SLC38A9: variants seen among roughly 807,000 people sequenced by gnomAD.
SLC38A9 encodes the protein solute carrier family 38 member 9.
SLC38A9 carries 48 observed loss-of-function variants against 62.3 expected under a neutral mutation model. The ratio of observed to expected loss-of-function variants is 0.77; its 90% confidence interval spans 0.61 to 0.98. The LOEUF is 0.98. Among genes scored for constraint, SLC38A9 ranks in the 50% least tolerant of loss-of-function variants. The probability of loss-of-function intolerance (pLI) is 0.00; values close to 1 mark genes in which losing one functional copy is unlikely to be tolerated. For synonymous variants in SLC38A9, 204 were observed against 227.7 expected, an observed-to-expected ratio of 0.90 and a Z score of 0.94; for missense variants, 541 against 679.8, an observed-to-expected ratio of 0.80 and a Z score of 2.27.
At chr5:55,627,188 A>G (rs1742591832) in intron 15 of SLC38A9, among the ~76,000 whole-genome samples, 1 of 152,170 alleles carries the variant, frequency 6.6e-6, no homozygotes, top group East Asian at 1.9e-4. Context: ...GGAACAGTTC[A>G]ATAGGAACTG....
Position 55,627,067 on chromosome 5 carries a change from C to G in SLC38A9, c.1521-408G>C, listed in dbSNP as rs185064467. Among the ~76,000 whole-genome samples the G allele has an allele frequency of 1.2e-3, 186 of 152,218 alleles. 3 individuals carry two copies. The highest frequency in any genetic ancestry group is 2.9e-4 in the Non-Finnish European group (20 of 67,990). On this transcript the variant is annotated intron_variant, in intron 15 of 15. Transcript: ENST00000396865. Reference sequence around the variant, plus strand: ...AAGTATAAGAACAGATAAATGCTACCATGGCATTCAGCATGATTACGAAAG... The same window carrying G: ...AAGTATAAGAACAGATAAATGCTACGATGGCATTCAGCATGATTACGAAAG...
chr5:55,653,905 C>T (rs1747960812), intron 9 of SLC38A9, among the ~76,000 whole-genome samples: 2 of 152,264 alleles, frequency 1.3e-5, no homozygotes, highest in South Asian at 4.1e-4. Flanking sequence ...GATCTGCCCG[C>T]CTTGGCCTCC....
chr5:55,678,092 A>G (rs1343316912), intron 3 of SLC38A9, among the ~76,000 whole-genome samples: 2 of 151,436 alleles, frequency 1.3e-5, no homozygotes, highest in African/African-American at 4.9e-5. Context: ...CTAGAGAGAA[A>G]AACTCAGACT....
At chr5:55,665,558 AAG>A (rs1440850422) in intron 7 of SLC38A9, among the ~76,000 whole-genome samples, 3 of 151,886 alleles carry the variant, frequency 2.0e-5, no homozygotes, top group Admixed American at 6.6e-5. Context: ...AAAAAAAAAA[AAG>A]AAAAAAAACA....
intron 12 of SLC38A9, among the ~76,000 whole-genome samples, chr5:55,640,989 AC>A (rs1745369700): frequency 6.6e-6 from 1 of 152,076 alleles, no homozygotes; most frequent in South Asian, 2.1e-4. Context: ...GGCATGTGCC[AC>A]CACGCCCAGC....
chr5:55,664,835 A>G lies in SLC38A9; in HGVS notation c.555T>C (p.Tyr185=). 1 of 1,557,398 alleles carries G rather than the reference A, an allele frequency of 6.4e-7. No individual in the cohort carries two copies. The highest frequency in any genetic ancestry group is 8.6e-7 in the Non-Finnish European group (1 of 1,157,066). The change falls in exon 8 of 16, where the codon TAT becomes TAC. Residue 185 remains tyrosine (Y), a synonymous_variant. Coordinates refer to ENST00000396865, the MANE Select transcript of SLC38A9 (RefSeq NM_173514.4). ...MFSLDTTSWE[Y]PDVCRHYFGS... ...CGAAATAATGTCTGCAGACATCTGG[A>G]TATTCCCAGCTAGTGGTATCCAACG...
intron 4 of SLC38A9, 45 bp downstream of exon 4, chr5:55,672,518 C>A: frequency 6.2e-7 from 1 of 1,602,444 alleles, no homozygotes; most frequent in South Asian, 1.1e-5. Flanking sequence ...GTTCACTGTT[C>A]ATTTCAACTG....
chr5:55,712,067 C>T (rs1758129404), intron 1 of SLC38A9, 150 bp downstream of exon 1: 1 of 152,240 alleles, frequency 6.6e-6, no homozygotes, highest in Non-Finnish European at 1.5e-5. Flanking sequence ...CCCTGAGCCC[C>T]AAAAGAAGAG....
At chr5:55,657,801 T>G (rs1748714623) in intron 8 of SLC38A9, among the ~76,000 whole-genome samples, 1 of 152,224 alleles carries the variant, frequency 6.6e-6, no homozygotes, top group South Asian at 2.1e-4. Flanking sequence ...TTTAAGGTCA[T>G]AAAAGTAAGT....
chr5:55,686,503 T>G (rs947356314), intron 3 of SLC38A9, among the ~76,000 whole-genome samples: 1 of 152,224 alleles, frequency 6.6e-6, no homozygotes, highest in Non-Finnish European at 1.5e-5. Flanking sequence ...AACTTCCTTA[T>G]AGATGCTGGA....
intron 3 of SLC38A9, among the ~76,000 whole-genome samples, chr5:55,687,162 G>A (rs1450436947): frequency 3.3e-5 from 5 of 149,564 alleles, no homozygotes; most frequent in African/African-American, 7.4e-5. Context: ...TTTCTAGGCC[G>A]GGCGCGGTGG....
intron 12 of SLC38A9, among the ~76,000 whole-genome samples, chr5:55,639,003 T>C (rs1460564880): frequency 6.6e-6 from 1 of 152,126 alleles, no homozygotes; most frequent in Non-Finnish European, 1.5e-5. Flanking sequence ...ATCCCCTTTT[T>C]TTGGTAAGAT....
chr5:55,672,037 A>G (rs1751416157), intron 4 of SLC38A9, among the ~76,000 whole-genome samples: 1 of 152,012 alleles, frequency 6.6e-6, no homozygotes, highest in Non-Finnish European at 1.5e-5. Context: ...TTTTTTGTAG[A>G]GACAGGGTTT....
intron 7 of SLC38A9, chr5:55,665,064 C>A: frequency 3.4e-6 from 1 of 297,826 alleles, no homozygotes; most frequent in Non-Finnish European, 6.1e-6. Flanking sequence ...GTACAGATAA[C>A]CTGAGAAACA....
chr5:55,693,656 G>T (rs1755039846), intron 3 of SLC38A9, among the ~76,000 whole-genome samples: 1 of 152,170 alleles, frequency 6.6e-6, no homozygotes, highest in African/African-American at 2.4e-5. Context: ...CCCAATGAGA[G>T]CAGAATATGC....
At chr5:55,635,161 A>G (rs938436661) in intron 13 of SLC38A9, 11 of 194,150 alleles carry the variant, frequency 5.7e-5, no homozygotes, top group African/African-American at 2.4e-4. Flanking sequence ...GGCTTTTAAA[A>G]ATAGGGAGTT....
rs144207377 is a variant in SLC38A9 at position 55,697,933 on chromosome 5, C to T, written c.26G>A (p.Arg9Lys). 1.1e-4 allele frequency: 173 copies of T among 1,599,106 alleles called. No individual in the cohort carries two copies. Among genetic ancestry groups the T allele is most frequent in the Non-Finnish European group, 1.4e-4 (164 of 1,173,572 alleles). Reference sequence around the variant, plus strand: ...ATCTACCTCAGAGGTGCCAAGATGCCTAGAATCACTATTCATATTTGCCAT... The same window carrying T: ...ATCTACCTCAGAGGTGCCAAGATGCTTAGAATCACTATTCATATTTGCCAT... MANMNSDS[R>K]HLGTSEVDHE... is the part of the protein sequence containing the mutation. The change falls in exon 3 of 16, where the codon AGG (arginine) becomes AAG (lysine). Residue 9 changes from arginine to lysine, a missense_variant. Arg to Lys is a conservative substitution (Grantham distance 26, BLOSUM62 2). Coordinates refer to ENST00000396865, the MANE Select transcript of SLC38A9 (RefSeq NM_173514.4).
chr5:55,687,426 C>CAAAAA (rs34476189), intron 3 of SLC38A9, among the ~76,000 whole-genome samples: 3 of 76,418 alleles, frequency 3.9e-5, no homozygotes, highest in East Asian at 4.5e-4. Flanking sequence ...GACTCCGTCT[C>CAAAAA]AAAAAAAAAA....
intron 3 of SLC38A9, among the ~76,000 whole-genome samples, chr5:55,679,958 T>A (rs962336571): frequency 6.6e-6 from 1 of 152,336 alleles, no homozygotes; most frequent in South Asian, 2.1e-4. Context: ...ACTTAATATT[T>A]TGAAATAAAG....
Sources: allele counts gnomAD v4.1 joint callset (sites outside exome capture counted in the v4.1 genomes callset), GRCh38; gene constraint gnomAD v4.1.1; transcripts MANE v1.5; gene names NCBI Gene and HGNC (gene_info 2026-07-23, HGNC 2026-07-21).